The following NUP93 variants were observed in gnomAD, a reference collection of about 807,000 sequenced individuals.
NUP93 encodes the protein nucleoporin 93.
A neutral mutation model predicts 107.8 loss-of-function variants in NUP93; 55 were observed. The observed-to-expected ratio is 0.51, with a 90% CI of 0.41 to 0.64. The LOEUF (loss-of-function observed/expected upper bound fraction) is 0.64, where lower values mean the gene tolerates loss of function less well. Ranked by LOEUF, NUP93 falls within the 30% of genes least tolerant of loss-of-function variation. The probability of loss-of-function intolerance (pLI) is 0.00; values close to 1 mark genes in which losing one functional copy is unlikely to be tolerated. For missense variants in NUP93, 937 were observed against 1,044.7 expected (o/e 0.90, Z 1.42); for synonymous variants, 390 against 397.5 (o/e 0.98, Z 0.22).
chr16:56,738,755 AAG>A (rs764824411), intron 1 of NUP93, among the ~76,000 whole-genome samples: 9 of 152,158 alleles, frequency 5.9e-5, no homozygotes, highest in Non-Finnish European at 1.2e-4. Flanking sequence ...ATGTATTCAA[AAG>A]AGAGGAGAAC....
intron 1 of NUP93, chr16:56,741,959 A>G (rs1377863012): frequency 6.6e-6 from 1 of 152,256 alleles, no homozygotes; most frequent in African/African-American, 2.4e-5. Context: ...ACATGGAAGA[A>G]AAGACAGATG....
In NUP93 at chr16:56,838,995, A is replaced by G; in HGVS notation, c.2062A>G (p.Thr688Ala). ...AAGCGCAAATAAATTTGTGGACTCC[A>G]CGTTCTATCTTCTTTTGGACTTGAT... ...GISANKFVDS[T>A]FYLLLDLITF... Residue 688 changes from threonine (T) to alanine (A), a missense_variant, in exon 19 of 22, where the codon ACG becomes GCG. Thr to Ala is a moderately conservative substitution (Grantham distance 58). Transcript: ENST00000308159. 1 of 1,614,106 alleles carries G rather than the reference A, an allele frequency of 6.2e-7. No individual in the cohort carries two copies. The highest frequency in any genetic ancestry group is 8.5e-7 in the Non-Finnish European group (1 of 1,179,994).
intron 13 of NUP93, 76 bp from the exon 14 acceptor site, chr16:56,834,052 C>T (rs1963858175): frequency 2.5e-6 from 4 of 1,588,952 alleles, no homozygotes; most frequent in Non-Finnish European, 2.6e-6. Context: ...TCTGTGGATT[C>T]AGCTTCCATA....
chr16:56,807,437 A>G (rs898294120), intron 5 of NUP93, among the ~76,000 whole-genome samples: 1 of 152,092 alleles, frequency 6.6e-6, no homozygotes, highest in African/African-American at 2.4e-5. Flanking sequence ...ATGTCTTTAT[A>G]TTGTCTCTTT....
chr16:56,803,022 C>T (rs765309548), intron 4 of NUP93, among the ~76,000 whole-genome samples: 1 of 135,438 alleles, frequency 7.4e-6, no homozygotes, highest in Non-Finnish European at 1.5e-5. Flanking sequence ...CCTTTATTTT[C>T]GCAGCTACCT....
At chr16:56,833,450 G>A (rs368856773) in intron 13 of NUP93, 44 bp downstream of exon 13, 773 of 1,449,924 alleles carry the variant, frequency 5.3e-4, no homozygotes, top group Non-Finnish European at 6.4e-4. Flanking sequence ...ACCACAGCAC[G>A]TCCCCCTTGG....
At chr16:56,734,873 G>A (rs1306312704) in intron 1 of NUP93, among the ~76,000 whole-genome samples, 2 of 152,146 alleles carry the variant, frequency 1.3e-5, no homozygotes, top group Non-Finnish European at 2.9e-5. Flanking sequence ...CTAGAATACG[G>A]CCTTCCTCCC....
intron 3 of NUP93, among the ~76,000 whole-genome samples, chr16:56,785,886 A>T (rs1397156572): frequency 1.3e-5 from 2 of 152,166 alleles, no homozygotes; most frequent in Non-Finnish European, 2.9e-5. Context: ...ATAGAATTTA[A>T]AGTACTTTGT....
intron 3 of NUP93, among the ~76,000 whole-genome samples, chr16:56,788,010 C>A (rs1343993511): frequency 2.0e-5 from 3 of 152,168 alleles, no homozygotes; most frequent in African/African-American, 7.2e-5. Context: ...CTAGATTGAA[C>A]CATTTTCTCC....
chr16:56,782,318 G>C (rs1962532186), intron 3 of NUP93: 1 of 648,776 alleles, frequency 1.5e-6, no homozygotes. Flanking sequence ...GTCTTGGTTT[G>C]TTTGAAAATT....
chr16:56,770,486 C>A (rs1962299047), intron 3 of NUP93, among the ~76,000 whole-genome samples: 1 of 152,138 alleles, frequency 6.6e-6, no homozygotes, highest in African/African-American at 2.4e-5. Context: ...TAAATGAGAA[C>A]CGAATGGCTT....
At chr16:56,794,584 TAGAGAGAGAG>T (rs10596725) in intron 3 of NUP93, among the ~76,000 whole-genome samples, 4,352 of 148,082 alleles carry the variant, frequency 0.029, 79 homozygotes, top group South Asian at 0.062. Flanking sequence ...GTGTGTGTGA[TAGAGAGAGAG>T]AGAGAGAGAG....
chr16:56,734,950 G>T (rs1236548675), intron 1 of NUP93, among the ~76,000 whole-genome samples: 1 of 152,182 alleles, frequency 6.6e-6, no homozygotes, highest in African/African-American at 2.4e-5. Context: ...CACGGCTGTT[G>T]CCCTGCTGAA....
intron 3 of NUP93, among the ~76,000 whole-genome samples, chr16:56,781,361 G>A (rs1421079229): frequency 3.9e-5 from 6 of 152,130 alleles, no homozygotes; most frequent in African/African-American, 1.2e-4. Flanking sequence ...TTAAGATGGC[G>A]AATTTACTGT....
At position 56,821,413 on chromosome 16, in the gene NUP93, G is replaced by A. The variant is rs1254666720; in HGVS notation, c.565-91G>A. Reference sequence around the variant, plus strand: ...CACTCCGAGGAAGGAAAGGTTGGCCGAAGCTTCTGCCGGCCATTGCCTGCT... The same window carrying A: ...CACTCCGAGGAAGGAAAGGTTGGCCAAAGCTTCTGCCGGCCATTGCCTGCT... On this transcript the variant is annotated intron_variant, in intron 6 of 21. Coordinates refer to ENST00000308159, the MANE Select transcript of NUP93 (RefSeq NM_014669.5). 6 of 860,278 alleles carry A rather than the reference G, an allele frequency of 7.0e-6. No homozygotes were observed. In the East Asian group the frequency reaches 7.8e-5, roughly 11 times the overall value. 53.3% of individuals were successfully genotyped at this position (860,278 alleles called of 1,614,324 possible).
chr16:56,819,257 G>T (rs1255189415), intron 6 of NUP93, among the ~76,000 whole-genome samples: 1 of 152,210 alleles, frequency 6.6e-6, no homozygotes, highest in Non-Finnish European at 1.5e-5. Flanking sequence ...TATGGATATG[G>T]ACTGAGATGC....
At chr16:56,789,673 C>T (rs547463944) in intron 3 of NUP93, among the ~76,000 whole-genome samples, 1 of 152,370 alleles carries the variant, frequency 6.6e-6, no homozygotes, top group South Asian at 2.1e-4. Context: ...AATCATATAA[C>T]AGCATTAAAA....
chr16:56,824,405 C>G (rs914865192), intron 8 of NUP93, among the ~76,000 whole-genome samples: 3 of 152,170 alleles, frequency 2.0e-5, no homozygotes, highest in Non-Finnish European at 4.4e-5. Flanking sequence ...GTGGCAGTGC[C>G]TTTGTGCCCG....
intron 3 of NUP93, among the ~76,000 whole-genome samples, chr16:56,785,246 T>C (rs1366524441): frequency 1.3e-5 from 2 of 152,212 alleles, no homozygotes; most frequent in Non-Finnish European, 2.9e-5. Context: ...TTGAAATTTT[T>C]ACAGTAAAAC....
Sources: allele counts gnomAD v4.1 joint callset (sites outside exome capture counted in the v4.1 genomes callset), GRCh38; gene constraint gnomAD v4.1.1; transcripts MANE v1.5; gene names NCBI Gene and HGNC (gene_info 2026-07-23, HGNC 2026-07-21).